The following BNC2 variants were observed in gnomAD, a reference collection of about 807,000 sequenced individuals.
BNC2 encodes zinc finger protein basonuclin-2.
A neutral mutation model predicts 76.3 loss-of-function variants in BNC2; 20 were observed. The observed-to-expected ratio is 0.26, with a 90% CI of 0.18 to 0.38. The LOEUF is 0.38. Ranked by LOEUF, BNC2 falls within the 10% of genes least tolerant of loss-of-function variation. The pLI, the probability that BNC2 is intolerant of heterozygous loss-of-function variation, is 1.00. For synonymous variants in BNC2, 582 were observed against 514.8 expected, an observed-to-expected ratio of 1.13 and a Z score of -1.77; for missense variants, 1,382 against 1,399.8, an observed-to-expected ratio of 0.99 and a Z score of 0.20.
chr9:16,703,110 T>A (rs1206414150), intron 3 of BNC2, among the ~76,000 whole-genome samples: 1 of 152,162 alleles, frequency 6.6e-6, no homozygotes, highest in Non-Finnish European at 1.5e-5. Context: ...ACTCTTCCCC[T>A]CTTGGATTAT....
At chr9:16,506,059 G>GA (rs1822615881) in intron 5 of BNC2, among the ~76,000 whole-genome samples, 1 of 152,118 alleles carries the variant, frequency 6.6e-6, no homozygotes, top group Non-Finnish European at 1.5e-5. Flanking sequence ...GCCAGTTGAC[G>GA]AAACTGGCAC....
intron 1 of BNC2, among the ~76,000 whole-genome samples, chr9:16,815,560 G>C (rs1347475309): frequency 6.6e-6 from 1 of 152,192 alleles, no homozygotes; most frequent in African/African-American, 2.4e-5. Flanking sequence ...AATGATGATA[G>C]AGTTCAGCCT....
At chr9:16,744,871 A>C (rs1824954646) in intron 1 of BNC2, among the ~76,000 whole-genome samples, 1 of 152,228 alleles carries the variant, frequency 6.6e-6, no homozygotes, top group South Asian at 2.1e-4. Flanking sequence ...ATATGCAAAC[A>C]TATGTACATG....
intron 3 of BNC2, among the ~76,000 whole-genome samples, chr9:16,647,428 G>A (rs994448736): frequency 4.6e-5 from 7 of 152,134 alleles, no homozygotes; most frequent in South Asian, 2.1e-4. Flanking sequence ...GACAGAGGCC[G>A]ACCTGGTTAG....
intron 3 of BNC2, among the ~76,000 whole-genome samples, chr9:16,687,198 G>T (rs541804801): frequency 1.5e-4 from 23 of 149,924 alleles, no homozygotes; most frequent in Non-Finnish European, 3.3e-4. Context: ...ACATTTCCAA[G>T]AATTTAATTT....
At chr9:16,544,237 AT>A (rs1318709046) in intron 5 of BNC2, among the ~76,000 whole-genome samples, 1 of 151,756 alleles carries the variant, frequency 6.6e-6, no homozygotes, top group Admixed American at 6.6e-5. Context: ...CAATAAATCA[AT>A]TTTTTTTGCT....
intron 2 of BNC2, among the ~76,000 whole-genome samples, chr9:16,733,976 G>C (rs949082356): frequency 6.6e-6 from 1 of 152,060 alleles, no homozygotes; most frequent in African/African-American, 2.4e-5. Flanking sequence ...CCTTATGAGA[G>C]ATGAAACACT....
At chr9:16,589,242 G>A (rs1819855752) in intron 3 of BNC2, among the ~76,000 whole-genome samples, 1 of 152,080 alleles carries the variant, frequency 6.6e-6, no homozygotes, top group Non-Finnish European at 1.5e-5. Flanking sequence ...CTGGAGTGCA[G>A]TGGCATAATC....
At chr9:16,811,243 A>C (rs1818043678) in intron 1 of BNC2, among the ~76,000 whole-genome samples, 1 of 144,024 alleles carries the variant, frequency 6.9e-6, no homozygotes, top group Non-Finnish European at 1.5e-5. Context: ...AAAAAAAAAA[A>C]ACCAAAAAAA....
intron 5 of BNC2, among the ~76,000 whole-genome samples, chr9:16,445,350 G>A (rs1198505213): frequency 6.6e-6 from 1 of 152,104 alleles, no homozygotes; most frequent in African/African-American, 2.4e-5. Context: ...TTCACACAAA[G>A]CTCTTTTATG....
chr9:16,492,383 C>A (rs534620252), intron 5 of BNC2, among the ~76,000 whole-genome samples: 7 of 152,306 alleles, frequency 4.6e-5, no homozygotes, highest in African/African-American at 1.7e-4. Context: ...CTTGGCTAAT[C>A]TCAAAATGCA....
intron 5 of BNC2, among the ~76,000 whole-genome samples, chr9:16,497,099 G>C (rs1356196282): frequency 2.6e-5 from 4 of 152,250 alleles, no homozygotes; most frequent in Non-Finnish European, 5.9e-5. Context: ...AGGGCTCAGA[G>C]AGTCTGTTCA....
At chr9:16,843,946 T>C (rs1446105730) in intron 1 of BNC2, among the ~76,000 whole-genome samples, 2 of 152,204 alleles carry the variant, frequency 1.3e-5, no homozygotes, top group East Asian at 1.9e-4. Flanking sequence ...TATCAAATTC[T>C]GGTTTTTACT....
chr9:16,827,036 C>T (rs1415772488), intron 1 of BNC2, among the ~76,000 whole-genome samples: 1 of 152,164 alleles, frequency 6.6e-6, no homozygotes, highest in East Asian at 1.9e-4. Context: ...GCAATAAGTG[C>T]TATGATTTAA....
intron 4 of BNC2, among the ~76,000 whole-genome samples, chr9:16,558,205 C>T (rs1285553188): frequency 6.7e-6 from 1 of 149,864 alleles, no homozygotes; most frequent in East Asian, 1.9e-4. Context: ...AACCAGTCTG[C>T]TCCCAGCACC....
At chr9:16,744,343 G>C (rs74537844) in intron 1 of BNC2, among the ~76,000 whole-genome samples, 1 of 152,162 alleles carries the variant, frequency 6.6e-6, no homozygotes, top group African/African-American at 2.4e-5. Flanking sequence ...AAACGTGGGA[G>C]AGACTTAGTT....
At chr9:16,469,876 C>G (rs559997950) in intron 5 of BNC2, among the ~76,000 whole-genome samples, 7 of 152,072 alleles carry the variant, frequency 4.6e-5, no homozygotes, top group Non-Finnish European at 8.8e-5. Flanking sequence ...CAGCATTTTG[C>G]CCCTGCTCTA....
intron 5 of BNC2, among the ~76,000 whole-genome samples, chr9:16,498,854 GC>G (rs1412757573): frequency 6.6e-6 from 1 of 152,036 alleles, no homozygotes; most frequent in Non-Finnish European, 1.5e-5. Flanking sequence ...ATTCTCAGTG[GC>G]CCGCAGAGGA....
At chr9:16,854,734 G>A (rs1032020394) in intron 1 of BNC2, among the ~76,000 whole-genome samples, 1 of 151,772 alleles carries the variant, frequency 6.6e-6, no homozygotes, top group African/African-American at 2.4e-5. Flanking sequence ...CTAGCTCCCA[G>A]GACAGTTGCC....
Sources: allele counts gnomAD v4.1 joint callset (sites outside exome capture counted in the v4.1 genomes callset), GRCh38; gene constraint gnomAD v4.1.1; transcripts MANE v1.5; gene names NCBI Gene and HGNC (gene_info 2026-07-23, HGNC 2026-07-21).